Variants in CTNNA2 observed in about 807,000 individuals in gnomAD.
CTNNA2 encodes catenin alpha-2.
A neutral mutation model predicts 101.0 loss-of-function variants in CTNNA2; 42 were observed. That is an observed-to-expected ratio of 0.42 (90% CI 0.32 to 0.54). The LOEUF (loss-of-function observed/expected upper bound fraction) is 0.54. Ranked by LOEUF, CTNNA2 falls within the 20% of genes least tolerant of loss-of-function variation. The pLI is 0.14. For missense variants in CTNNA2, 871 were observed against 1,223.1 expected, an observed-to-expected ratio of 0.71 and a Z score of 4.29; for synonymous variants, 450 against 456.4, an observed-to-expected ratio of 0.99 and a Z score of 0.18.
intron 7 of CTNNA2, among the ~76,000 whole-genome samples, chr2:80,161,258 C>A (rs1364549656): frequency 6.6e-6 from 1 of 152,152 alleles, no homozygotes; most frequent in African/African-American, 2.4e-5. Context: ...TCAGGTGATT[C>A]ACCTGCCTCA....
chr2:79,701,930 A>C (rs1685028564), intron 2 of CTNNA2, among the ~76,000 whole-genome samples: 1 of 142,486 alleles, frequency 7.0e-6, no homozygotes, highest in Non-Finnish European at 1.5e-5. Flanking sequence ...TGAATCCGGG[A>C]GATGGGGGTT....
chr2:79,550,695 A>T (rs1335493203), intron 1 of CTNNA2, among the ~76,000 whole-genome samples: 1 of 152,202 alleles, frequency 6.6e-6, no homozygotes, highest in Admixed American at 6.5e-5. Context: ...AATACCATGC[A>T]TTGCGAGCAG....
At chr2:80,643,257 T>TAAGA (rs908994026) in intron 18 of CTNNA2, among the ~76,000 whole-genome samples, 2 of 152,068 alleles carry the variant, frequency 1.3e-5, no homozygotes, top group Non-Finnish European at 1.5e-5. Context: ...GGAGGAATGG[T>TAAGA]AAGATCATGG....
intron 2 of CTNNA2, among the ~76,000 whole-genome samples, chr2:79,242,307 A>T (rs1037233360): frequency 6.6e-6 from 1 of 152,130 alleles, no homozygotes; most frequent in Non-Finnish European, 1.5e-5. Flanking sequence ...TACCTATTTT[A>T]TATTTATTTG....
chr2:80,074,073 A>G (rs1192428443), intron 7 of CTNNA2, among the ~76,000 whole-genome samples: 1 of 152,204 alleles, frequency 6.6e-6, no homozygotes, highest in Non-Finnish European at 1.5e-5. Context: ...GAATCACCAA[A>G]TGATTTTTGA....
intron 7 of CTNNA2, among the ~76,000 whole-genome samples, chr2:79,945,915 G>A (rs1261589354): frequency 2.6e-5 from 4 of 152,054 alleles, no homozygotes; most frequent in Non-Finnish European, 5.9e-5. Context: ...CTGCACACAC[G>A]GTGCTATGGG....
chr2:79,781,943 T>TCAA, intron 3 of CTNNA2, among the ~76,000 whole-genome samples: 1 of 114,184 alleles, frequency 8.8e-6, no homozygotes, highest in Non-Finnish European at 1.8e-5. Context: ...TATTGTTTAC[T>TCAA]CAATAATCTA....
At chr2:79,653,404 C>T (rs1681395890) in intron 2 of CTNNA2, among the ~76,000 whole-genome samples, 1 of 152,110 alleles carries the variant, frequency 6.6e-6, no homozygotes, top group Admixed American at 6.6e-5. Context: ...TGTGATTTTA[C>T]TATGCACATC....
At chr2:80,109,126 A>C (rs1383160445) in intron 7 of CTNNA2, among the ~76,000 whole-genome samples, 2 of 152,348 alleles carry the variant, frequency 1.3e-5, no homozygotes, top group Non-Finnish European at 2.9e-5. Context: ...CCATGAACAA[A>C]GTGTTTTATT....
intron 7 of CTNNA2, among the ~76,000 whole-genome samples, chr2:79,922,338 TG>T (rs1353827741): frequency 1.3e-5 from 2 of 152,172 alleles, no homozygotes; most frequent in Non-Finnish European, 2.9e-5. Context: ...TTTATTATTT[TG>T]TCTGCACACT....
Position 80,303,044 on chromosome 2 carries a change from T to A in CTNNA2, c.1057-90167T>A, listed in dbSNP as rs1235864846. The A allele has an allele frequency of 6.2e-7, 1 of 1,613,690 alleles. No homozygotes were observed. On this transcript the variant is annotated intron_variant, in intron 7 of 18. Transcript: ENST00000402739. The surrounding 1 kb of genome is among the most constrained non-coding windows in gnomAD (Gnocchi z 7.7). ...CTCGTTGCCCGACAAGTCCATTTTC[T>A]CCAGGTTCCAAACCCAGTCCAGCGA...
intron 7 of CTNNA2, among the ~76,000 whole-genome samples, chr2:80,021,217 A>T (rs765447414): frequency 6.6e-6 from 1 of 151,798 alleles, no homozygotes; most frequent in East Asian, 1.9e-4. Flanking sequence ...ACAAGGTTTC[A>T]TCATGTCACC....
chr2:80,308,380 G>A (rs1411555421), intron 7 of CTNNA2, among the ~76,000 whole-genome samples: 1 of 152,114 alleles, frequency 6.6e-6, no homozygotes, highest in Non-Finnish European at 1.5e-5. Flanking sequence ...CCTGGACCTT[G>A]ATCTTTATGC....
chr2:79,633,886 A>G (rs1456405922), intron 1 of CTNNA2: 1 of 152,196 alleles, frequency 6.6e-6, no homozygotes, highest in Non-Finnish European at 1.5e-5. Context: ...TTGCTTAACA[A>G]ACATCACTCA....
At chr2:80,432,436 A>T (rs1317486534) in intron 9 of CTNNA2, among the ~76,000 whole-genome samples, 1 of 152,104 alleles carries the variant, frequency 6.6e-6, no homozygotes, top group Non-Finnish European at 1.5e-5. Context: ...CCCCACTACC[A>T]CTTCCCACCA....
intron 1 of CTNNA2, among the ~76,000 whole-genome samples, chr2:79,613,751 C>A (rs1315281879): frequency 6.6e-6 from 1 of 152,120 alleles, no homozygotes; most frequent in African/African-American, 2.4e-5. Flanking sequence ...AACTCCTGAT[C>A]TCAAGTGATC....
intron 9 of CTNNA2, among the ~76,000 whole-genome samples, chr2:80,466,429 T>C (rs1684857924): frequency 6.6e-6 from 1 of 152,234 alleles, no homozygotes; most frequent in Admixed American, 6.5e-5. Flanking sequence ...ATTATGTATG[T>C]GTTTCTGGAC....
intron 7 of CTNNA2, among the ~76,000 whole-genome samples, chr2:80,092,608 T>C (rs950425682): frequency 1.3e-5 from 2 of 152,132 alleles, no homozygotes; most frequent in African/African-American, 4.8e-5. Flanking sequence ...TTTTTCAACA[T>C]AGAAGACTGC....
rs538232459 is a variant in CTNNA2 at position 80,562,919 on chromosome 2, C to CGT, written c.1741+7028_1741+7029dup. Among the ~76,000 whole-genome samples, 7 of 151,908 alleles carry CGT rather than the reference C, an allele frequency of 4.6e-5. No individual in the cohort carries two copies. The South Asian group carries it at 1.5e-3, about 32-fold the overall frequency. On this transcript the variant is annotated intron_variant, in intron 12 of 18. Coordinates refer to ENST00000402739, the MANE Select transcript of CTNNA2 (RefSeq NM_001282597.3). Reference sequence around the variant, plus strand: ...TTTATTCTAACAATAAAACCCTTAACGTGAAGGTGGAGATAGGGTACGGTA... The same window carrying CGT: ...TTTATTCTAACAATAAAACCCTTAACGTGTGAAGGTGGAGATAGGGTACGGTA...
Sources: gnomAD v4.1 joint callset for allele counts (sites outside exome capture counted in the v4.1 genomes callset) on GRCh38, gnomAD v4.1.1 for gene constraint, Gnocchi (gnomAD v3.1) non-coding constraint, MANE v1.5 for transcripts, NCBI Gene and HGNC (gene_info 2026-07-23, HGNC 2026-07-21) for gene names.